Variants in FXN observed in about 807,000 individuals in gnomAD.
The protein encoded by FXN is frataxin, mitochondrial.
FXN carries 14 observed loss-of-function variants against 22.4 expected under a neutral mutation model. The observed-to-expected ratio is 0.62, with a 90% CI of 0.41 to 0.98. FXN has a LOEUF of 0.98. FXN is among the 50% of genes least tolerant of loss of function. The pLI, the probability that FXN is intolerant of heterozygous loss-of-function variation, is 0.00. For missense variants in FXN, 267 were observed against 268.4 expected (o/e 0.99, Z 0.04); for synonymous variants, 120 against 114.1 (o/e 1.05, Z -0.33).
chr9:69,064,361 G>A (rs577134591), intron 3 of FXN, among the ~76,000 whole-genome samples: 3 of 152,346 alleles, frequency 2.0e-5, no homozygotes, highest in East Asian at 1.9e-4. Context: ...TGTTAGATGC[G>A]TGGGAAGAGT....
At chr9:69,049,707 A>G (rs1385726648) in intron 2 of FXN, among the ~76,000 whole-genome samples, 1 of 152,186 alleles carries the variant, frequency 6.6e-6, no homozygotes, top group Non-Finnish European at 1.5e-5. Flanking sequence ...GGTTTTTAGT[A>G]TATTCACAAG....
At position 69,053,190 on chromosome 9, in the gene FXN, CTT is replaced by C. The variant is rs145045861; in HGVS notation, c.316_317del (p.Leu106SerfsTer5). ...AGACTAGCAGAGGAAACGCTGGACT[CTT>C]TAGCAGAGTTTTTTGAAGACCTTGC... On this transcript the variant is annotated frameshift_variant, in exon 3 of 5. Transcript: ENST00000484259. LOFTEE classifies it high-confidence loss of function. 3 of 1,613,990 alleles carry C rather than the reference CTT, an allele frequency of 1.9e-6. No homozygotes were observed. Among genetic ancestry groups the C allele is most frequent in the East Asian group, 2.2e-5 (1 of 44,862 alleles).
At chr9:69,042,467 G>A (rs1169194184) in intron 1 of FXN, among the ~76,000 whole-genome samples, 3 of 152,278 alleles carry the variant, frequency 2.0e-5, no homozygotes, top group South Asian at 2.1e-4. Context: ...TGAGTACCAC[G>A]ATCCCTTCCT....
At chr9:69,071,113 G>A in intron 4 of FXN, 2 of 502,520 alleles carry the variant, frequency 4.0e-6, no homozygotes, top group Admixed American at 4.1e-5. Context: ...CAGTGCCTGT[G>A]CTCAGAGCAC....
intron 2 of FXN, 45 bp from the exon 3 acceptor site, chr9:69,053,095 G>A: frequency 6.2e-7 from 1 of 1,601,182 alleles, no homozygotes; most frequent in Non-Finnish European, 8.5e-7. Context: ...TAATAAAATG[G>A]AAGCATTTGG....
chr9:69,057,715 G>T lies in FXN; in HGVS notation c.384+4455G>T, dbSNP rs569893604. ...ATATTATTACTTGAGCTTTGTGGGA[G>T]AGCAGTCTTTTCCTCCCCTGAGATA... is the stretch of plus-strand genomic sequence containing the variant. On this transcript the variant is annotated intron_variant, in intron 3 of 4. Coordinates refer to ENST00000484259, the MANE Select transcript of FXN (RefSeq NM_000144.5). Among the ~76,000 whole-genome samples the T allele has an allele frequency of 1.4e-4, 22 of 152,106 alleles. No homozygotes were observed. In the South Asian group the frequency reaches 1.9e-3, roughly 13 times the overall value.
intron 4 of FXN, among the ~76,000 whole-genome samples, chr9:69,066,438 A>G (rs1000003747): frequency 3.9e-5 from 6 of 152,142 alleles, no homozygotes; most frequent in African/African-American, 1.4e-4. Context: ...TTCAACAAAA[A>G]CAGCACTAGA....
chr9:69,073,221 A>C lies in FXN; in HGVS notation c.*459A>C. On this transcript the variant is annotated 3_prime_UTR_variant, in exon 5 of 5. Transcript: ENST00000484259. Reference sequence around the variant, plus strand: ...AGACACATTAAAGGGTAGCCTACAAATGTTTTCAGGCTTCTTTCAAAGTGT... The same window carrying C: ...AGACACATTAAAGGGTAGCCTACAACTGTTTTCAGGCTTCTTTCAAAGTGT... 1 of 1,037,368 alleles carries C rather than the reference A, an allele frequency of 9.6e-7. No homozygotes were observed. Among genetic ancestry groups the C allele is most frequent in the East Asian group, 8.5e-5 (1 of 11,708 alleles). The allele number at this position is 1,037,368 out of a possible 1,614,324, so 64.3% of individuals were successfully genotyped here. A position where few individuals can be genotyped will look rare whatever the true frequency, so the allele number is the denominator to read the frequency against.
intron 3 of FXN, among the ~76,000 whole-genome samples, chr9:69,062,884 T>C (rs1164286248): frequency 6.8e-6 from 1 of 148,052 alleles, no homozygotes; most frequent in South Asian, 2.2e-4. Context: ...CTTTTTACTA[T>C]AGTAAAATTA....
intron 4 of FXN, 63 bp from the exon 5 acceptor site, chr9:69,072,549 G>A (rs1015302061): frequency 1.1e-5 from 17 of 1,611,288 alleles, no homozygotes; most frequent in Non-Finnish European, 1.4e-5. Context: ...AGCATTTGTG[G>A]AATCAGTGGT....
rs564938446 is a variant in FXN, at chr9:69,040,675, AAAAT to A, written c.165+4746_165+4749del. ...AGAGCGAGACTGCATCTCAAAGAAAAAAATAAATAAATAAATAAATATTTATACT... is the reference window on the plus strand; with the variant it reads ...AGAGCGAGACTGCATCTCAAAGAAAAAAATAAATAAATAAATATTTATACT... On this transcript the variant is annotated intron_variant, in intron 1 of 4. Transcript: ENST00000484259. Among the ~76,000 whole-genome samples, 64 of 152,210 alleles carry A rather than the reference AAAAT, an allele frequency of 4.2e-4. No individual in the cohort carries two copies. The East Asian group carries it at 9.5e-3, about 23-fold the overall frequency.
chr9:69,052,465 A>G (rs535529497), intron 2 of FXN, among the ~76,000 whole-genome samples: 24 of 151,410 alleles, frequency 1.6e-4, no homozygotes, highest in African/African-American at 5.6e-4. Flanking sequence ...CCCAGAAAGG[A>G]CTATTAATTG....
chr9:69,059,014 G>A (rs1375746728), intron 3 of FXN, among the ~76,000 whole-genome samples: 1 of 151,964 alleles, frequency 6.6e-6, no homozygotes, highest in Non-Finnish European at 1.5e-5. Flanking sequence ...CTTGCAGTGA[G>A]CCAGGATCCC....
chr9:69,046,302 A>G (rs1564330871), intron 1 of FXN, 83 bp from the exon 2 acceptor site: 1 of 972,358 alleles, frequency 1.0e-6, no homozygotes, highest in Non-Finnish European at 1.6e-6. Context: ...ACTCGAATGT[A>G]GAAGTAGCAA....
At chr9:69,056,581 C>G (rs559524325) in intron 3 of FXN, among the ~76,000 whole-genome samples, 1 of 152,138 alleles carries the variant, frequency 6.6e-6, no homozygotes, top group Non-Finnish European at 1.5e-5. Flanking sequence ...GAGCCATGAT[C>G]GCACCACTGT....
intron 1 of FXN, among the ~76,000 whole-genome samples, chr9:69,038,707 A>G (rs1831604815): frequency 6.6e-6 from 1 of 151,610 alleles, no homozygotes; most frequent in African/African-American, 2.4e-5. Context: ...AGTCCCAGCT[A>G]CTCGGGAGGC....
At chr9:69,037,994 C>G (rs1831594564) in intron 1 of FXN, among the ~76,000 whole-genome samples, 1 of 152,184 alleles carries the variant, frequency 6.6e-6, no homozygotes, top group Non-Finnish European at 1.5e-5. Flanking sequence ...AGAGGTGGTA[C>G]AGTTTTTTAG....
intron 2 of FXN, among the ~76,000 whole-genome samples, chr9:69,049,010 ACT>A (rs1463985996): frequency 4.0e-5 from 6 of 151,690 alleles, no homozygotes; most frequent in African/African-American, 1.5e-4. Context: ...CCCCCAGCAG[ACT>A]CTCTGCTGCT....
intron 3 of FXN, among the ~76,000 whole-genome samples, chr9:69,062,911 G>T (rs761158607): frequency 1.3e-5 from 2 of 151,940 alleles, no homozygotes; most frequent in African/African-American, 2.4e-5. Context: ...AAAAAAATGG[G>T]GCCGAGTGCA....
Sources: gnomAD v4.1 joint callset for allele counts (sites outside exome capture counted in the v4.1 genomes callset) on GRCh38, gnomAD v4.1.1 for gene constraint, MANE v1.5 for transcripts, NCBI Gene and HGNC (gene_info 2026-07-23, HGNC 2026-07-21) for gene names.